POLRMT: variants seen among roughly 807,000 people sequenced by gnomAD.
POLRMT encodes the protein DNA-directed RNA polymerase, mitochondrial.
In POLRMT, 114 loss-of-function variants were observed where a neutral mutation model predicts 132.2. The ratio of observed to expected loss-of-function variants is 0.86; its 90% CI spans 0.74 to 1.01. The LOEUF (loss-of-function observed/expected upper bound fraction) is 1.01, where lower values mean the gene tolerates loss of function less well. Ranked by LOEUF, POLRMT falls within the 50% of genes least tolerant of loss-of-function variation. The pLI, the probability that POLRMT is intolerant of heterozygous loss-of-function variation, is 0.00. For missense variants in POLRMT, 2,003 were observed against 1,729.1 expected, an observed-to-expected ratio of 1.16 and a Z score of -2.81; for synonymous variants, 1,020 against 773.4, an observed-to-expected ratio of 1.32 and a Z score of -5.29.
chr19:617,445 T>A lies in POLRMT; in HGVS notation c.3617A>T (p.Glu1206Val), dbSNP rs767741583. 1.2e-6 allele frequency: 2 copies of A among 1,608,302 alleles called. No individual in the cohort carries two copies. Among genetic ancestry groups the A allele is most frequent in the Non-Finnish European group, 1.7e-6 (2 of 1,177,792 alleles). Residue 1206 changes from glutamate to valine, a missense_variant, in exon 20 of 21, where the codon GAG becomes GTG. Physicochemically the swap from Glu to Val is moderately radical, Grantham distance 121. Transcript: ENST00000588649. Reference sequence around the variant, plus strand: ...TGGCTTGGGCACCGCCTGCAGTGTCTCCTTCAGCTGGCTGGCCTCCAAGAT... The same window carrying A: ...TGGCTTGGGCACCGCCTGCAGTGTCACCTTCAGCTGGCTGGCCTCCAAGAT... ...QKILEASQLK[E>V]TLQAVPKPGA... is the part of the protein sequence containing the mutation.
chr19:631,754 T>C (rs1985435595), intron 2 of POLRMT, among the ~76,000 whole-genome samples: 1 of 152,190 alleles, frequency 6.6e-6, no homozygotes, highest in Non-Finnish European at 1.5e-5. Context: ...TGTTTTGTTT[T>C]GTTTTTGAGA....
rs1382915787 is a variant in POLRMT at position 625,104 on chromosome 19, G to A, written c.953+20C>T. 1.2e-6 allele frequency: 2 copies of A among 1,606,526 alleles called. No homozygotes were observed. The highest frequency in any genetic ancestry group is 1.1e-5 in the South Asian group (1 of 90,112). On this transcript the variant is annotated intron_variant, in intron 4 of 20. Coordinates refer to ENST00000588649, the MANE Select transcript of POLRMT (RefSeq NM_005035.4). ...GGGAGGGACATGGTGGGGGGTGGGG[G>A]CCCTCCCGACACCACCTACCTTTCG... is the stretch of plus-strand genomic sequence containing the variant.
rs184529255 is a variant in POLRMT, at chr19:619,843, G to A, written c.2887-78C>T. The stretch of plus-strand genomic sequence containing the variant: ...GCCACCAAGCACCCATGAAGCCCCC[G>A]CCCCAGCCCCACCACATCCTCAGGA... On this transcript the variant is annotated intron_variant, in intron 12 of 20. Transcript: ENST00000588649. 2,355 of 1,554,946 alleles carry A rather than the reference G, an allele frequency of 1.5e-3. 25 individuals are homozygous for A. The African/African-American group carries it at 0.029, about 19-fold the overall frequency.
rs1212363855 is a variant in POLRMT at position 621,792 on chromosome 19, C to T, written c.1906G>A (p.Glu636Lys). 1 of 1,602,216 alleles carries T rather than the reference C, an allele frequency of 6.2e-7. No individual in the cohort carries two copies. Among genetic ancestry groups the T allele is most frequent in the Non-Finnish European group, 8.5e-7 (1 of 1,179,850 alleles). Residue 636 changes from glutamate (E) to lysine (K), a missense_variant, in exon 10 of 21, where the codon GAG (glutamate) becomes AAG (lysine). Physicochemically the swap from Glu to Lys is moderately conservative, Grantham distance 56. Coordinates refer to ENST00000588649, the MANE Select transcript of POLRMT (RefSeq NM_005035.4). ...AYVQLLEKAA[E>K]PTLTFEAVDV... ...ACCGCCTCGAAGGTCAGCGTGGGCT[C>T]CGCGGCCTTCTCCAGCAGCTGCACG...
rs369874841 is a variant in POLRMT at position 632,277 on chromosome 19, C to CGGCT, written c.193+553_193+556dup. 3.6e-3 allele frequency among the ~76,000 whole-genome samples: 548 copies of CGGCT among 152,352 alleles called. 1 individual carries two copies. The highest frequency in any genetic ancestry group is 0.012 in the African/African-American group (512 of 41,572). On this transcript the variant is annotated intron_variant, in intron 2 of 20. Transcript: ENST00000588649. ...AAAGGTTCTCCCGCCTCTCCCTTCC[C>CGGCT]GGCTGCCTAATGGACGCAGACAGGA...
In POLRMT at chr19:619,108, G is replaced by A. The variant is rs1156841640; in HGVS notation, c.3156C>T (p.His1052=). The stretch of plus-strand genomic sequence containing the variant: ...TGAGGCGGGCACTCTCGGTCAGCCA[G>A]TGCTGTGGGACACAGGCCGTCTCAG... The part of the protein sequence containing the change: ...EMFSGTRAIQ[H]WLTESARLIS... The change falls in exon 15 of 21, where the codon CAC becomes CAT. Residue 1052 remains histidine (H), a splice_region_variant and synonymous_variant. Transcript: ENST00000588649. The A allele has an allele frequency of 1.2e-6, 2 of 1,611,954 alleles. No homozygotes were observed. The highest frequency in any genetic ancestry group is 2.2e-5 in the East Asian group (1 of 44,872).
chr19:633,141 G>C, intron 1 of POLRMT: 1 of 598,744 alleles, frequency 1.7e-6, no homozygotes, highest in Non-Finnish European at 2.8e-6. Flanking sequence ...ACCGCCGAGA[G>C]AGGGTTCCTC....
At chr19:625,823 C>A (rs1984981265) in intron 3 of POLRMT, among the ~76,000 whole-genome samples, 1 of 152,022 alleles carries the variant, frequency 6.6e-6, no homozygotes, top group Admixed American at 6.6e-5. Flanking sequence ...CTGCCTCAGC[C>A]TCCTGAGTAG....
At position 628,363 on chromosome 19, in the gene POLRMT, A is replaced by G. The variant is rs538876532; in HGVS notation, c.822+1177T>C. ...CGACCCTCATCCTCAGTCCTCCCGG[A>G]GTCTGGCGCCCCCTGCAGCAAGGAG... On this transcript the variant is annotated intron_variant, in intron 3 of 20. Coordinates refer to ENST00000588649, the MANE Select transcript of POLRMT (RefSeq NM_005035.4). 2.6e-5 allele frequency among the ~76,000 whole-genome samples: 4 copies of G among 152,282 alleles called. No individual in the cohort carries two copies. In the South Asian group the frequency reaches 8.3e-4, roughly 32 times the overall value.
Position 617,837 on chromosome 19 carries a change from G to C in POLRMT, c.3435C>G (p.Thr1145=), listed in dbSNP as rs75913143. 1.9e-6 allele frequency: 3 copies of C among 1,613,230 alleles called. No homozygotes were observed. The highest frequency in any genetic ancestry group is 2.2e-5 in the East Asian group (1 of 44,870). ...TALHCYRKGL[T]FVSVHDCYWT... is the part of the protein sequence containing the mutation. ...AGTAACAGTCGTGCACAGAGACGAA[G>C]GTCAGGCCCTTCCTGTGGCAGAGCG... Residue 1145 remains threonine (T), a synonymous_variant, in exon 18 of 21, where the codon ACC becomes ACG. Transcript: ENST00000588649.
intron 2 of POLRMT, among the ~76,000 whole-genome samples, chr19:631,736 C>CTTTGT (rs574711863): frequency 1.6e-4 from 24 of 152,114 alleles, no homozygotes; most frequent in Admixed American, 5.2e-4. Flanking sequence ...CAGTTGAGAG[C>CTTTGT]TTTGTTTTGT....
chr19:620,810 G>C, intron 10 of POLRMT, among the ~76,000 whole-genome samples: 1 of 121,210 alleles, frequency 8.3e-6, no homozygotes, highest in Non-Finnish European at 1.8e-5. Flanking sequence ...GGAACGCGGG[G>C]GCCCTGGGGC....
rs1485118298 is a variant in POLRMT at position 622,968 on chromosome 19, G to A, written c.1308C>T (p.Thr436=). 3 of 1,612,534 alleles carry A rather than the reference G, an allele frequency of 1.9e-6. No individual in the cohort carries two copies. The highest frequency in any genetic ancestry group is 1.7e-5 in the Admixed American group (1 of 59,968). Reference sequence around the variant, plus strand: ...GTGCTTTCTCCCATTGGTCCCGCAGGGTCTTCAGGGTCTTCCGCTGCGGGG... The same window carrying A: ...GTGCTTTCTCCCATTGGTCCCGCAGAGTCTTCAGGGTCTTCCGCTGCGGGG... ...EVKHARKTLK[T]LRDQWEKALC... The change falls in exon 7 of 21, where the codon ACC becomes ACT. Residue 436 remains threonine, a synonymous_variant. Coordinates refer to ENST00000588649, the MANE Select transcript of POLRMT (RefSeq NM_005035.4).
chr19:624,607 G>A, intron 5 of POLRMT, 112 bp downstream of exon 5: 10 of 1,225,620 alleles, frequency 8.2e-6, no homozygotes, highest in Non-Finnish European at 9.0e-6. Flanking sequence ...TCAGGGCCCA[G>A]CCCAGGTGAG....
chr19:631,499 C>G (rs1985415158), intron 2 of POLRMT, among the ~76,000 whole-genome samples: 3 of 151,822 alleles, frequency 2.0e-5, no homozygotes, highest in African/African-American at 7.3e-5. Context: ...ATTAACCGGG[C>G]GTGGTGGTGC....
rs1044854638 is a variant in POLRMT, at chr19:621,574, G to T, written c.2124C>A (p.Arg708=). The part of the protein sequence containing the change: ...ALTQLGNCAW[R]VNGRVLDLVL... ...CCAGGTCCAGCACGCGCCCGTTGAC[G>T]CGCCAGGCGCAGTTGCCCAGTTGGG... is the stretch of plus-strand genomic sequence containing the variant. The change falls in exon 10 of 21, where the codon CGC becomes CGA. Residue 708 remains arginine (R), a synonymous_variant. Coordinates refer to ENST00000588649, the MANE Select transcript of POLRMT (RefSeq NM_005035.4). The T allele has an allele frequency of 2.7e-5, 40 of 1,457,816 alleles. No homozygotes were observed. Among genetic ancestry groups the T allele is most frequent in the Non-Finnish European group, 3.5e-5 (39 of 1,108,774 alleles). The allele number at this position is 1,457,816 out of a possible 1,614,324, so 90.3% of individuals were successfully genotyped here.
At chr19:618,191 G>T in intron 17 of POLRMT, 2 of 547,436 alleles carry the variant, frequency 3.7e-6, no homozygotes. Context: ...AGATTCTGCT[G>T]GAACGACCTC....
chr19:626,164 T>G (rs1418902059), intron 3 of POLRMT, among the ~76,000 whole-genome samples: 1 of 150,544 alleles, frequency 6.6e-6, no homozygotes, highest in East Asian at 2.0e-4. Flanking sequence ...ATTTAATTAT[T>G]TTTTTAGATA....
chr19:620,212 G>T, intron 11 of POLRMT, 132 bp from the exon 12 acceptor site: 1 of 1,456,120 alleles, frequency 6.9e-7, no homozygotes, highest in African/African-American at 1.4e-5. Context: ...GCCCCCGCAC[G>T]CTCCCGGGAG....
Sources: allele counts gnomAD v4.1 joint callset (sites outside exome capture counted in the v4.1 genomes callset), GRCh38; gene constraint gnomAD v4.1.1; transcripts MANE v1.5; gene names NCBI Gene and HGNC (gene_info 2026-07-23, HGNC 2026-07-21).